KCTD8: variants seen among roughly 807,000 people sequenced by gnomAD.
KCTD8 encodes BTB/POZ domain-containing protein KCTD8.
Under a neutral mutation model 31.5 loss-of-function variants are expected in KCTD8, and 27 were observed. The ratio of observed to expected loss-of-function variants is 0.86; its 90% confidence interval spans 0.63 to 1.18. KCTD8 has a LOEUF of 1.18. Among genes scored for constraint, KCTD8 ranks in the 50% most tolerant of loss-of-function variants. KCTD8 has a pLI of 0.00. For missense variants in KCTD8, 658 were observed against 647.7 expected, an observed-to-expected ratio of 1.02 and a Z score of -0.17; for synonymous variants, 290 against 280.0, an observed-to-expected ratio of 1.04 and a Z score of -0.36.
intron 1 of KCTD8, among the ~76,000 whole-genome samples, chr4:44,380,835 A>G (rs1720045973): frequency 6.6e-6 from 1 of 152,000 alleles, no homozygotes; most frequent in Non-Finnish European, 1.5e-5. Flanking sequence ...TTCCTCTTAT[A>G]AAATGTTGAA....
intron 1 of KCTD8, among the ~76,000 whole-genome samples, chr4:44,308,304 A>T (rs1043515013): frequency 6.6e-6 from 1 of 151,716 alleles, no homozygotes; most frequent in Non-Finnish European, 1.5e-5. Context: ...CTTCGAATCT[A>T]TGTCTATAGT....
chr4:44,289,479 C>T (rs143147294), intron 1 of KCTD8, among the ~76,000 whole-genome samples: 12 of 152,132 alleles, frequency 7.9e-5, no homozygotes, highest in South Asian at 6.2e-4. Context: ...AGAGTTGATA[C>T]AGAGGCAATG....
intron 1 of KCTD8, among the ~76,000 whole-genome samples, chr4:44,411,472 T>C (rs1045749467): frequency 3.3e-5 from 5 of 151,180 alleles, no homozygotes; most frequent in Admixed American, 1.3e-4. Flanking sequence ...TCCTTTGAGA[T>C]AAAGTTGAGA....
chr4:44,411,887 G>A (rs577930939), intron 1 of KCTD8, among the ~76,000 whole-genome samples: 3 of 152,124 alleles, frequency 2.0e-5, no homozygotes, highest in East Asian at 3.9e-4. Context: ...AAAGAACAAG[G>A]CCCTGCTTGA....
intron 1 of KCTD8, among the ~76,000 whole-genome samples, chr4:44,356,248 T>C (rs530426379): frequency 1.8e-3 from 278 of 152,330 alleles, no homozygotes; most frequent in Middle Eastern, 3.4e-3. Flanking sequence ...ACCAAAAATT[T>C]AGTCAGACCC....
intron 1 of KCTD8, among the ~76,000 whole-genome samples, chr4:44,285,881 T>G (rs1717050965): frequency 6.6e-6 from 1 of 152,136 alleles, no homozygotes; most frequent in Non-Finnish European, 1.5e-5. Context: ...GATTCTACAT[T>G]CTATATGCCA....
chr4:44,359,054 G>A (rs1469357763), intron 1 of KCTD8, among the ~76,000 whole-genome samples: 1 of 151,978 alleles, frequency 6.6e-6, no homozygotes, highest in Non-Finnish European at 1.5e-5. Flanking sequence ...TGTAGATTCT[G>A]GATATTAGCC....
At chr4:44,224,160 T>C (rs756884583) in intron 1 of KCTD8, among the ~76,000 whole-genome samples, 1 of 152,210 alleles carries the variant, frequency 6.6e-6, no homozygotes, top group Non-Finnish European at 1.5e-5. Flanking sequence ...CCTTTGAATA[T>C]ATAACATCCA....
At chr4:44,297,860 A>G (rs946735180) in intron 1 of KCTD8, among the ~76,000 whole-genome samples, 1 of 152,166 alleles carries the variant, frequency 6.6e-6, no homozygotes, top group African/African-American at 2.4e-5. Flanking sequence ...CATGTGGCCA[A>G]AATCTATGGT....
intron 1 of KCTD8, among the ~76,000 whole-genome samples, chr4:44,271,477 GA>G (rs1179819492): frequency 6.6e-6 from 1 of 152,070 alleles, no homozygotes; most frequent in African/African-American, 2.4e-5. Context: ...GACTGCTGGG[GA>G]TAGGCCCCCA....
At chr4:44,220,204 T>C (rs1016243823) in intron 1 of KCTD8, among the ~76,000 whole-genome samples, 1 of 152,122 alleles carries the variant, frequency 6.6e-6, no homozygotes, top group Non-Finnish European at 1.5e-5. Context: ...GAAGATGGGA[T>C]ATAGAGTGGG....
chr4:44,233,452 T>C (rs2109353451), intron 1 of KCTD8, among the ~76,000 whole-genome samples: 1 of 152,320 alleles, frequency 6.6e-6, no homozygotes, highest in South Asian at 2.1e-4. Context: ...TCCAGTTCCA[T>C]GGGGTTTGTT....
intron 1 of KCTD8, among the ~76,000 whole-genome samples, chr4:44,197,087 C>T (rs933895727): frequency 6.6e-6 from 1 of 152,082 alleles, no homozygotes; most frequent in African/African-American, 2.4e-5. Flanking sequence ...GCTCTGTGTT[C>T]CCCCGGAAAA....
chr4:44,447,964 G>C lies in KCTD8; in HGVS notation c.560C>G (p.Pro187Arg), dbSNP rs1245055862. ...ACCACCGTGCGCTCCCGGGCCCGAG[G>C]GCACGGCGGCCGCCGCCCCGCGCAG... is the stretch of plus-strand genomic sequence containing the variant. ...LLLRGAAAAV[P>R]SGPGAHGGGG... Residue 187 changes from proline (P) to arginine (R), a missense_variant, in exon 1 of 2, where the codon CCC (proline) becomes CGC (arginine). Physicochemically the swap from Pro to Arg is moderately radical, Grantham distance 103 (BLOSUM62 -2). Coordinates refer to ENST00000360029, the MANE Select transcript of KCTD8 (RefSeq NM_198353.3). The C allele has an allele frequency of 1.3e-6, 2 of 1,528,806 alleles. No homozygotes were observed. The highest frequency in any genetic ancestry group is 4.1e-5 in the Admixed American group (2 of 48,472). The allele number at this position is 1,528,806 out of a possible 1,614,324, so 94.7% of individuals were successfully genotyped here.
intron 1 of KCTD8, among the ~76,000 whole-genome samples, chr4:44,441,088 C>T (rs924790995): frequency 1.3e-5 from 2 of 152,100 alleles, no homozygotes; most frequent in Non-Finnish European, 2.9e-5. Flanking sequence ...GGCTGATAGG[C>T]AGATGACACC....
intron 1 of KCTD8, among the ~76,000 whole-genome samples, chr4:44,359,800 G>T (rs933551721): frequency 1.3e-5 from 2 of 152,030 alleles, no homozygotes; most frequent in African/African-American, 4.8e-5. Flanking sequence ...TAAGGGAGGT[G>T]TTATTTAAAA....
chr4:44,221,643 A>AAACCACTT (rs1330529438), intron 1 of KCTD8, among the ~76,000 whole-genome samples: 1 of 152,170 alleles, frequency 6.6e-6, no homozygotes, highest in African/African-American at 2.4e-5. Flanking sequence ...GCGTATGTCC[A>AAACCACTT]GGAGTCCAAA....
At chr4:44,267,648 C>T (rs1445124335) in intron 1 of KCTD8, among the ~76,000 whole-genome samples, 3 of 151,762 alleles carry the variant, frequency 2.0e-5, no homozygotes, top group Non-Finnish European at 2.9e-5. Flanking sequence ...AGACCGCTAG[C>T]AAGACTAATA....
At chr4:44,198,280 C>T (rs927376765) in intron 1 of KCTD8, among the ~76,000 whole-genome samples, 25 of 152,212 alleles carry the variant, frequency 1.6e-4, no homozygotes, top group African/African-American at 5.5e-4. Context: ...GAGAGGTAAA[C>T]ATGCAATTTT....
Sources: allele counts gnomAD v4.1 joint callset (sites outside exome capture counted in the v4.1 genomes callset), GRCh38; gene constraint gnomAD v4.1.1; transcripts MANE v1.5; gene names NCBI Gene and HGNC (gene_info 2026-07-23, HGNC 2026-07-21).